Variants in L3MBTL4 observed in about 807,000 individuals in gnomAD.
The protein encoded by L3MBTL4 is lethal(3)malignant brain tumor-like protein 4.
L3MBTL4 carries 70 observed loss-of-function variants against 84.5 expected under a neutral mutation model. The observed-to-expected ratio is 0.83, with a 90% CI of 0.68 to 1.01. The LOEUF is 1.01. Among genes scored for constraint, L3MBTL4 ranks in the 50% least tolerant of loss-of-function variants. The pLI, the probability that L3MBTL4 is intolerant of heterozygous loss-of-function variation, is 0.00. For synonymous variants in L3MBTL4, 274 were observed against 259.8 expected (o/e 1.05, Z -0.52); for missense variants, 715 against 754.8 (o/e 0.95, Z 0.62).
At chr18:6,243,975 T>C (rs946475856) in intron 6 of L3MBTL4, among the ~76,000 whole-genome samples, 1 of 152,204 alleles carries the variant, frequency 6.6e-6, no homozygotes, top group Non-Finnish European at 1.5e-5. Context: ...AATGTGACTG[T>C]TATGTTCAAT....
At chr18:6,313,386 T>C (rs1002315303) in intron 1 of L3MBTL4, among the ~76,000 whole-genome samples, 2 of 152,228 alleles carry the variant, frequency 1.3e-5, no homozygotes, top group African/African-American at 4.8e-5. Context: ...CTTTCCCTTT[T>C]TCTTTAATAT....
chr18:6,066,008 T>C (rs969568737), intron 16 of L3MBTL4, among the ~76,000 whole-genome samples: 4 of 152,114 alleles, frequency 2.6e-5, no homozygotes, highest in Non-Finnish European at 5.9e-5. Flanking sequence ...TGAACTTTCC[T>C]GTTTGGGCTG....
At position 5,980,430 on chromosome 18, in the gene L3MBTL4, C is replaced by CTT. The variant is rs10664833; in HGVS notation, c.1445-10870_1445-10869dup. 4.1e-3 allele frequency among the ~76,000 whole-genome samples: 510 copies of CTT among 123,018 alleles called. 10 individuals carry two copies. Among genetic ancestry groups the CTT allele is most frequent in the African/African-American group, 5.6e-3 (181 of 32,458 alleles). 80.7% of individuals were successfully genotyped at this position (123,018 alleles called of 152,430 possible). ...AAACGTATAAATAAATTAGTTTGCG[C>CTT]TTTTTTTTTTTTTTTTTTGAGATGG... On this transcript the variant is annotated intron_variant, in intron 16 of 18. Coordinates refer to ENST00000317931, the MANE Select transcript of L3MBTL4 (RefSeq NM_001330559.2).
At chr18:5,967,456 G>A (rs665552) in intron 17 of L3MBTL4, among the ~76,000 whole-genome samples, 67,566 of 152,124 alleles carry the variant, frequency 0.44, 15,137 homozygotes, top group East Asian at 0.57. Flanking sequence ...CTTCCATGCA[G>A]CCACCTCTGT....
intron 14 of L3MBTL4, among the ~76,000 whole-genome samples, chr18:6,111,166 GATAA>G (rs923248460): frequency 1.3e-5 from 2 of 152,124 alleles, no homozygotes; most frequent in African/African-American, 2.4e-5. Context: ...AGAGAAATGA[GATAA>G]ATAGTGCTGC....
At chr18:6,161,327 T>C (rs2043329520) in intron 13 of L3MBTL4, among the ~76,000 whole-genome samples, 2 of 152,214 alleles carry the variant, frequency 1.3e-5, no homozygotes. Flanking sequence ...CACCTGGTCA[T>C]ACAAAATTGG....
intron 15 of L3MBTL4, among the ~76,000 whole-genome samples, chr18:6,091,063 T>C (rs753874600): frequency 2.0e-5 from 3 of 152,172 alleles, no homozygotes; most frequent in Admixed American, 6.5e-5. Context: ...AATTTAAATA[T>C]TCTCCATCAC....
chr18:6,141,031 G>A (rs1471645749), intron 13 of L3MBTL4, among the ~76,000 whole-genome samples: 1 of 150,276 alleles, frequency 6.7e-6, no homozygotes, highest in Non-Finnish European at 1.5e-5. Context: ...GCCTCTGAAA[G>A]GAAGAACTAT....
intron 1 of L3MBTL4, chr18:6,395,524 A>C (rs2055235880): frequency 6.6e-6 from 1 of 152,212 alleles, no homozygotes; most frequent in Non-Finnish European, 1.5e-5. Flanking sequence ...GATGTGTCTG[A>C]CACAAAATGT....
At chr18:6,362,144 G>A (rs2053724137) in intron 1 of L3MBTL4, among the ~76,000 whole-genome samples, 1 of 73,346 alleles carries the variant, frequency 1.4e-5, no homozygotes, top group Non-Finnish European at 2.6e-5. Flanking sequence ...GGAGAGGGGA[G>A]GGGAGGGGGG....
intron 10 of L3MBTL4, among the ~76,000 whole-genome samples, chr18:6,233,389 T>G (rs2047079295): frequency 6.7e-6 from 1 of 149,834 alleles, no homozygotes; most frequent in South Asian, 2.1e-4. Context: ...TGTCCCTGTT[T>G]GCAGATGACG....
intron 1 of L3MBTL4, among the ~76,000 whole-genome samples, chr18:6,386,571 T>G (rs56741402): frequency 0.045 from 6,851 of 152,216 alleles, 352 homozygotes; most frequent in African/African-American, 0.13. Flanking sequence ...TATGCCAGGT[T>G]GTGATGAGTG....
intron 14 of L3MBTL4, among the ~76,000 whole-genome samples, chr18:6,108,025 G>T (rs749322764): frequency 1.2e-4 from 19 of 152,138 alleles, no homozygotes; most frequent in Non-Finnish European, 2.8e-4. Flanking sequence ...GTCTGAAGAG[G>T]CTTCCTCCCC....
At chr18:6,043,133 C>T (rs1598535713) in intron 16 of L3MBTL4, among the ~76,000 whole-genome samples, 2 of 152,200 alleles carry the variant, frequency 1.3e-5, no homozygotes, top group East Asian at 3.9e-4. Context: ...GTATCCTCTT[C>T]ATCTTTTCTA....
chr18:6,023,591 G>A (rs1158383517), intron 16 of L3MBTL4, among the ~76,000 whole-genome samples: 1 of 152,180 alleles, frequency 6.6e-6, no homozygotes, highest in Non-Finnish European at 1.5e-5. Flanking sequence ...GCACCATGCT[G>A]GACATTGTGG....
intron 4 of L3MBTL4, among the ~76,000 whole-genome samples, chr18:6,274,695 T>C (rs988094951): frequency 2.0e-5 from 3 of 152,204 alleles, no homozygotes; most frequent in African/African-American, 4.8e-5. Context: ...AAGATACTAC[T>C]GATGGCAATT....
chr18:6,068,867 C>T (rs1028608128), intron 16 of L3MBTL4, among the ~76,000 whole-genome samples: 4 of 152,152 alleles, frequency 2.6e-5, no homozygotes, highest in African/African-American at 9.7e-5. Context: ...GACTCAAGGC[C>T]TGCCATTCAG....
At chr18:6,079,843 A>G (rs1477100405) in intron 16 of L3MBTL4, 1 of 152,208 alleles carries the variant, frequency 6.6e-6, no homozygotes, top group East Asian at 1.9e-4. Flanking sequence ...AGCAGACTTG[A>G]GCTCTGGTTA....
chr18:6,119,951 G>A (rs993076090), intron 14 of L3MBTL4, among the ~76,000 whole-genome samples: 36 of 152,170 alleles, frequency 2.4e-4, no homozygotes, highest in African/African-American at 3.9e-4. Context: ...GCTGAAAAGC[G>A]AGGTCTCCTA....
Sources: gnomAD v4.1 joint callset for allele counts (sites outside exome capture counted in the v4.1 genomes callset) on GRCh38, gnomAD v4.1.1 for gene constraint, MANE v1.5 for transcripts, NCBI Gene and HGNC (gene_info 2026-07-23, HGNC 2026-07-21) for gene names.